COP1: variants seen among roughly 807,000 people sequenced by gnomAD.
COP1 encodes E3 ubiquitin-protein ligase COP1.
Under a neutral mutation model 101.3 loss-of-function variants are expected in COP1, and 24 were observed. The ratio of observed to expected loss-of-function variants is 0.24; its 90% CI spans 0.17 to 0.33. The LOEUF (loss-of-function observed/expected upper bound fraction) is 0.33. Ranked by LOEUF, COP1 falls within the 10% of genes least tolerant of loss-of-function variation. The probability of loss-of-function intolerance (pLI) is 1.00; values close to 1 mark genes in which losing one functional copy is unlikely to be tolerated. For synonymous variants in COP1, 347 were observed against 341.9 expected (o/e 1.01, Z -0.17); for missense variants, 663 against 906.2 (o/e 0.73, Z 3.45).
At chr1:176,007,592 A>G (rs1663618173) in intron 15 of COP1, among the ~76,000 whole-genome samples, 1 of 151,666 alleles carries the variant, frequency 6.6e-6, no homozygotes, top group Non-Finnish European at 1.5e-5. Flanking sequence ...GGTCTGTTGG[A>G]ATACCCTGCC....
chr1:176,195,029 G>A (rs1699506189), intron 1 of COP1, among the ~76,000 whole-genome samples: 1 of 151,982 alleles, frequency 6.6e-6, no homozygotes, highest in African/African-American at 2.4e-5. Flanking sequence ...AGAGGCTGCA[G>A]TGAGCTGTGA....
intron 5 of COP1, chr1:176,160,253 ATCTTTT>A: frequency 5.7e-6 from 2 of 349,104 alleles, no homozygotes; most frequent in East Asian, 9.2e-5. Flanking sequence ...GCCCACACAC[ATCTTTT>A]TTTTTTTTTT....
chr1:176,035,799 C>T (rs1669430536), intron 14 of COP1, among the ~76,000 whole-genome samples: 2 of 150,440 alleles, frequency 1.3e-5, no homozygotes, highest in Non-Finnish European at 3.0e-5. Context: ...AGAACACTCA[C>T]CAAACAGCAT....
At chr1:175,960,537 T>C (rs893198934) in intron 18 of COP1, among the ~76,000 whole-genome samples, 6 of 152,104 alleles carry the variant, frequency 3.9e-5, no homozygotes, top group African/African-American at 9.7e-5. Context: ...AAGACTATTA[T>C]GGAGGCTAAA....
intron 18 of COP1, among the ~76,000 whole-genome samples, chr1:175,978,111 A>T (rs770658723): frequency 1.3e-5 from 2 of 152,158 alleles, no homozygotes; most frequent in African/African-American, 2.4e-5. Context: ...TCAAATTAAT[A>T]TTATTTCTTT....
At chr1:176,174,452 T>G (rs979238767) in intron 3 of COP1, among the ~76,000 whole-genome samples, 2 of 152,188 alleles carry the variant, frequency 1.3e-5, no homozygotes, top group African/African-American at 4.8e-5. Flanking sequence ...TTCTCCAAGT[T>G]TGCCATAAAA....
At chr1:175,950,556 C>T (rs1443788482) in intron 18 of COP1, among the ~76,000 whole-genome samples, 1 of 152,154 alleles carries the variant, frequency 6.6e-6, no homozygotes, top group Non-Finnish European at 1.5e-5. Context: ...TAGCTGTGGT[C>T]TGCTAGGGCC....
chr1:176,032,008 G>A (rs1668723976), intron 14 of COP1, among the ~76,000 whole-genome samples: 2 of 152,116 alleles, frequency 1.3e-5, no homozygotes, highest in South Asian at 2.1e-4. Flanking sequence ...CTCTGACAGC[G>A]CCTACTGCAT....
intron 6 of COP1, among the ~76,000 whole-genome samples, chr1:176,140,834 T>C (rs1690565650): frequency 6.6e-6 from 1 of 152,088 alleles, no homozygotes; most frequent in African/African-American, 2.4e-5. Flanking sequence ...TAAATAAATA[T>C]ATAAGATGGA....
intron 5 of COP1, among the ~76,000 whole-genome samples, chr1:176,152,286 TAGAG>T (rs1475898463): frequency 2.0e-5 from 3 of 151,782 alleles, no homozygotes; most frequent in Non-Finnish European, 4.4e-5. Flanking sequence ...TTATACATAA[TAGAG>T]AGTGTGTGCA....
chr1:176,057,797 T>C (rs1034450107), intron 11 of COP1, among the ~76,000 whole-genome samples: 90 of 149,566 alleles, frequency 6.0e-4, no homozygotes, highest in African/African-American at 2.0e-3. Flanking sequence ...TGGCCGCCCA[T>C]CGTCTGGGAT....
chr1:176,072,843 A>C (rs1677244566), intron 11 of COP1, among the ~76,000 whole-genome samples: 2 of 152,296 alleles, frequency 1.3e-5, no homozygotes, highest in South Asian at 4.1e-4. Context: ...GCAGAATTAT[A>C]CGTCAAAAAT....
Position 176,121,753 on chromosome 1 carries a change from C to T in COP1, c.969-5072G>A, listed in dbSNP as rs78512512. On this transcript the variant is annotated intron_variant, in intron 8 of 19. Coordinates refer to ENST00000367669, the MANE Select transcript of COP1 (RefSeq NM_022457.7). Reference sequence around the variant, plus strand: ...TAGAAACAGACAATACTAAACTCTTCTCATGGTATCTGAATTTCAAGGACA... The same window carrying T: ...TAGAAACAGACAATACTAAACTCTTTTCATGGTATCTGAATTTCAAGGACA... Among the ~76,000 whole-genome samples the T allele has an allele frequency of 5.2e-3, 792 of 152,218 alleles. 10 individuals are homozygous for T. The highest frequency in any genetic ancestry group is 0.017 in the African/African-American group (706 of 41,524).
intron 15 of COP1, among the ~76,000 whole-genome samples, chr1:176,021,351 T>C (rs1457646733): frequency 1.3e-5 from 2 of 152,200 alleles, no homozygotes; most frequent in Non-Finnish European, 2.9e-5. Context: ...TTCCTCTAAA[T>C]GGCCTAGTTT....
At chr1:175,957,827 A>T (rs1263567885) in intron 18 of COP1, among the ~76,000 whole-genome samples, 1 of 152,220 alleles carries the variant, frequency 6.6e-6, no homozygotes, top group Non-Finnish European at 1.5e-5. Flanking sequence ...TTGCATAGTT[A>T]TAAAATGGAT....
intron 11 of COP1, among the ~76,000 whole-genome samples, chr1:176,064,851 T>G (rs1675634327): frequency 6.6e-6 from 1 of 151,982 alleles, no homozygotes; most frequent in South Asian, 2.1e-4. Flanking sequence ...CTCGAGCTCC[T>G]GGGCTCAAGC....
Position 176,207,219 on chromosome 1 carries a change from C to G in COP1, c.-241G>C, listed in dbSNP as rs1315523318. The G allele has an allele frequency of 7.2e-5, 29 of 401,786 alleles. No individual in the cohort carries two copies. The highest frequency in any genetic ancestry group is 1.0e-4 in the Non-Finnish European group (24 of 228,946). The allele number at this position is 401,786 out of a possible 1,614,324, so 24.9% of individuals were successfully genotyped here. On this transcript the variant is annotated 5_prime_UTR_variant, in exon 1 of 20. Coordinates refer to ENST00000367669, the MANE Select transcript of COP1 (RefSeq NM_022457.7). ...GGCACTACCGCTGTCGAGGCCGCCG[C>G]CGCCACCGCGGTCCCTGTAGCAGCC...
chr1:176,003,177 G>T (rs959442289), intron 15 of COP1, among the ~76,000 whole-genome samples: 2 of 152,104 alleles, frequency 1.3e-5, no homozygotes, highest in Non-Finnish European at 2.9e-5. Context: ...GTCTGTTCAT[G>T]TCCTTTGCCC....
intron 15 of COP1, among the ~76,000 whole-genome samples, chr1:176,024,062 A>G (rs1667260133): frequency 6.6e-6 from 1 of 152,186 alleles, no homozygotes; most frequent in African/African-American, 2.4e-5. Context: ...GTTCGAGACC[A>G]GCCTGGCCAA....
Sources: allele counts gnomAD v4.1 joint callset (sites outside exome capture counted in the v4.1 genomes callset), GRCh38; gene constraint gnomAD v4.1.1; transcripts MANE v1.5; gene names NCBI Gene and HGNC (gene_info 2026-07-23, HGNC 2026-07-21).